Variants in KCNQ1 observed in about 807,000 individuals in gnomAD.
KCNQ1 encodes potassium voltage-gated channel subfamily KQT member 1.
KCNQ1 carries 49 observed loss-of-function variants against 72.4 expected under a neutral mutation model. That is an observed-to-expected ratio of 0.68 (90% CI 0.54 to 0.86). The LOEUF (loss-of-function observed/expected upper bound fraction) is 0.86. KCNQ1 is among the 40% of genes least tolerant of loss of function. The probability of loss-of-function intolerance (pLI) is 0.00; values close to 1 mark genes in which losing one functional copy is unlikely to be tolerated. For synonymous variants in KCNQ1, 450 were observed against 412.6 expected, an observed-to-expected ratio of 1.09 and a Z score of -1.10; for missense variants, 790 against 945.1, an observed-to-expected ratio of 0.84 and a Z score of 2.15.
chr11:2,541,893 GT>G lies in KCNQ1; in HGVS notation c.477+13878del, dbSNP rs1847832474. Among the ~76,000 whole-genome samples the G allele has an allele frequency of 6.6e-6, 1 of 152,136 alleles. No individual in the cohort carries two copies. The highest frequency in any genetic ancestry group is 2.4e-5 in the African/African-American group (1 of 41,418). On this transcript the variant is annotated intron_variant, in intron 2 of 15. Transcript: ENST00000155840. This position sits in a 1 kb window ranked among gnomAD's most constrained non-coding sequence, Gnocchi z 4.8. ...CCTCGCATAGACATCAGCTAAGGGG[GT>G]TTGGGGGCCAGTCGGCAGCCTCTGG...
intron 11 of KCNQ1, chr11:2,662,977 C>G (rs1464092657): frequency 2.8e-5 from 11 of 398,602 alleles, no homozygotes; most frequent in Non-Finnish European, 4.4e-5. Flanking sequence ...TTGCAGCCAG[C>G]CAGGTGCAAG....
chr11:2,798,781 C>T (rs986307353), intron 15 of KCNQ1, among the ~76,000 whole-genome samples: 6 of 152,140 alleles, frequency 3.9e-5, no homozygotes, highest in Admixed American at 6.6e-5. Context: ...GTAACTTAAT[C>T]GTAGCAGAGA....
In KCNQ1 at chr11:2,664,787, T is replaced by C. The variant is rs1456981159; in HGVS notation, c.1514+2706T>C. The C allele has an allele frequency of 1.8e-5, 7 of 398,588 alleles. No individual in the cohort carries two copies. Among genetic ancestry groups the C allele is most frequent in the African/African-American group, 1.2e-4 (6 of 48,614 alleles). The allele number at this position is 398,588 out of a possible 1,614,324, so 24.7% of individuals were successfully genotyped here. A position where few individuals can be genotyped will look rare whatever the true frequency, so the allele number is the denominator to read the frequency against. ...AGGGGGCAGAGTGGGTGGGAGGCAG[T>C]TACCAAAAAACATTTCCATTTTTCT... On this transcript the variant is annotated intron_variant, in intron 11 of 15. Coordinates refer to ENST00000155840, the MANE Select transcript of KCNQ1 (RefSeq NM_000218.3). This position sits in a 1 kb window ranked among gnomAD's most constrained non-coding sequence, Gnocchi z 5.1.
rs1231695939 is a variant in KCNQ1 at position 2,577,089 on chromosome 11, C to T, written c.921+4103C>T. Among the ~76,000 whole-genome samples, 3 of 152,242 alleles carry T rather than the reference C, an allele frequency of 2.0e-5. No individual in the cohort carries two copies. In the South Asian group the frequency reaches 6.2e-4, roughly 31 times the overall value. ...TGTAATCCCAGAGGCTGCAACCGAT[C>T]CCTCTGCTGCGGAGACTTTCCCTGG... On this transcript the variant is annotated intron_variant, in intron 6 of 15. Coordinates refer to ENST00000155840, the MANE Select transcript of KCNQ1 (RefSeq NM_000218.3).
chr11:2,638,093 C>T (rs2133825101), intron 10 of KCNQ1: 1 of 152,280 alleles, frequency 6.6e-6, no homozygotes, highest in Middle Eastern at 3.4e-3. Context: ...AGATGGGTCT[C>T]CTGAATACAG....
rs147666188 is a variant in KCNQ1 at position 2,759,182 on chromosome 11, G to A, written c.1515-9662G>A. On this transcript the variant is annotated intron_variant, in intron 11 of 15. Transcript: ENST00000155840. This position sits in a 1 kb window ranked among gnomAD's most constrained non-coding sequence, Gnocchi z 4.4. ...TAAAAAGAAGCAAAACAACACACTG[G>A]GAGGTGCAGGAAACCACACACGTGA... Among the ~76,000 whole-genome samples, 277 of 152,214 alleles carry A rather than the reference G, an allele frequency of 1.8e-3. No individual in the cohort carries two copies. Among genetic ancestry groups the A allele is most frequent in the African/African-American group, 6.6e-3 (272 of 41,512 alleles).
intron 15 of KCNQ1, among the ~76,000 whole-genome samples, chr11:2,814,550 A>AAATGATGGATAGGTGGATGGGTAGATTGG (rs1564903370): frequency 1.9e-4 from 28 of 148,800 alleles, no homozygotes; most frequent in Admixed American, 1.8e-3. Context: ...GAGCTGATGG[A>AAATGATGGATAGGTGGATGGGTAGATTGG]GAAATGATGG....
intron 10 of KCNQ1, chr11:2,632,880 G>A (rs893015255): frequency 1.5e-5 from 6 of 398,302 alleles, no homozygotes; most frequent in African/African-American, 1.2e-4. Context: ...CAATAAACAT[G>A]AGAATGCAAA....
At position 2,734,541 on chromosome 11, in the gene KCNQ1, G is replaced by C. The variant is rs1845921377; in HGVS notation, c.1515-34303G>C. 6.6e-6 allele frequency among the ~76,000 whole-genome samples: 1 copy of C among 152,158 alleles called. No homozygotes were observed. Among genetic ancestry groups the C allele is most frequent in the Non-Finnish European group, 1.5e-5 (1 of 68,026 alleles). ...CCCCTTGGCTGAGAGCCAGATGTGG[G>C]GAGCGGGGCTGTCGAGGCTGATCTC... On this transcript the variant is annotated intron_variant, in intron 11 of 15. Coordinates refer to ENST00000155840, the MANE Select transcript of KCNQ1 (RefSeq NM_000218.3). The surrounding 1 kb of genome is among the most constrained non-coding windows in gnomAD (Gnocchi z 7.0).
In KCNQ1 at chr11:2,544,971, C is replaced by T. The variant is rs1847885450; in HGVS notation, c.477+16953C>T. ...TTACCAGGTTAAGGAAACGTCCCCT[C>T]TAATACTATAGCTGAGAGCTTTTAA... is the stretch of plus-strand genomic sequence containing the variant. On this transcript the variant is annotated intron_variant, in intron 2 of 15. Transcript: ENST00000155840. The surrounding 1 kb of genome is among the most constrained non-coding windows in gnomAD (Gnocchi z 4.4). 1.3e-5 allele frequency among the ~76,000 whole-genome samples: 2 copies of T among 152,174 alleles called. No homozygotes were observed. The highest frequency in any genetic ancestry group is 6.5e-5 in the Admixed American group (1 of 15,292).
rs572093524 is a variant in KCNQ1 at position 2,527,895 on chromosome 11, C to T, written c.387-33C>T. ...GTGCATCTGTGGGATGGGCAGAGGCCGTGATGCTGACTGCCGTGTCCCTGT... is the reference window on the plus strand; with the variant it reads ...GTGCATCTGTGGGATGGGCAGAGGCTGTGATGCTGACTGCCGTGTCCCTGT... On this transcript the variant is annotated intron_variant, in intron 1 of 15. Coordinates refer to ENST00000155840, the MANE Select transcript of KCNQ1 (RefSeq NM_000218.3). 6.3e-6 allele frequency: 10 copies of T among 1,594,036 alleles called. No homozygotes were observed. In the East Asian group the frequency reaches 1.1e-4, roughly 18 times the overall value.
Position 2,478,615 on chromosome 11 carries a change from G to C in KCNQ1, c.386+33131G>C, listed in dbSNP as rs898882682. ...CCCCCATGATTCAATTATCTCCCAC[G>C]AGGTCCCTCCCATGACACGTGGGAA... On this transcript the variant is annotated intron_variant, in intron 1 of 15. Transcript: ENST00000155840. This position sits in a 1 kb window ranked among gnomAD's most constrained non-coding sequence, Gnocchi z 4.0. Among the ~76,000 whole-genome samples, 9 of 151,950 alleles carry C rather than the reference G, an allele frequency of 5.9e-5. No homozygotes were observed. Among genetic ancestry groups the C allele is most frequent in the African/African-American group, 2.2e-4 (9 of 41,326 alleles).
intron 1 of KCNQ1, among the ~76,000 whole-genome samples, chr11:2,467,046 G>A (rs904008649): frequency 1.2e-4 from 19 of 152,176 alleles, no homozygotes; most frequent in Non-Finnish European, 2.4e-4. Flanking sequence ...GGGGAAGCCC[G>A]ACAGATGGGG....
intron 10 of KCNQ1, chr11:2,630,116 T>C: frequency 2.5e-6 from 1 of 398,378 alleles, no homozygotes; most frequent in East Asian, 3.6e-5. Flanking sequence ...TGTTCATAGT[T>C]TTTATCATGG....
chr11:2,479,393 T>C lies in KCNQ1; in HGVS notation c.386+33909T>C, dbSNP rs561733284. Among the ~76,000 whole-genome samples the C allele has an allele frequency of 6.6e-6, 1 of 152,298 alleles. No homozygotes were observed. Among genetic ancestry groups the C allele is most frequent in the South Asian group, 2.1e-4 (1 of 4,824 alleles). ...GGACATCCAGGCATTTCCATACATC[T>C]CTGAAATCTAGGCAGAGCTTTCCAT... On this transcript the variant is annotated intron_variant, in intron 1 of 15. Coordinates refer to ENST00000155840, the MANE Select transcript of KCNQ1 (RefSeq NM_000218.3). This position sits in a 1 kb window ranked among gnomAD's most constrained non-coding sequence, Gnocchi z 4.6.
intron 2 of KCNQ1, among the ~76,000 whole-genome samples, chr11:2,539,179 C>T (rs950482299): frequency 6.6e-6 from 1 of 152,220 alleles, no homozygotes; most frequent in Admixed American, 6.5e-5. Context: ...CACCAGAACA[C>T]CTCCTCCAGA....
Position 2,488,766 on chromosome 11 carries a change from G to C in KCNQ1, c.387-39162G>C, listed in dbSNP as rs556042669. On this transcript the variant is annotated intron_variant, in intron 1 of 15. Coordinates refer to ENST00000155840, the MANE Select transcript of KCNQ1 (RefSeq NM_000218.3). The surrounding 1 kb of genome is among the most constrained non-coding windows in gnomAD (Gnocchi z 5.1). ...ACTTAGTCCATCTAGCTAAAGGTTT[G>C]TCAATTCTTAAAATCTTTTCAGAGA... is the stretch of plus-strand genomic sequence containing the variant. 2.0e-5 allele frequency among the ~76,000 whole-genome samples: 3 copies of C among 152,236 alleles called. No individual in the cohort carries two copies. Among genetic ancestry groups the C allele is most frequent in the African/African-American group, 7.2e-5 (3 of 41,532 alleles).
intron 15 of KCNQ1, among the ~76,000 whole-genome samples, chr11:2,799,122 A>T (rs1217640894): frequency 2.0e-5 from 3 of 152,214 alleles, no homozygotes; most frequent in Admixed American, 6.5e-5. Flanking sequence ...GGGCAAAGCA[A>T]AGGACCTGGG....
At chr11:2,845,193 C>T (rs1445537360) in intron 15 of KCNQ1, among the ~76,000 whole-genome samples, 1 of 152,168 alleles carries the variant, frequency 6.6e-6, no homozygotes, top group Non-Finnish European at 1.5e-5. Context: ...TCAGGCCGGT[C>T]CCCCTCCCAG....
Sources: allele counts gnomAD v4.1 joint callset (sites outside exome capture counted in the v4.1 genomes callset), GRCh38; gene constraint gnomAD v4.1.1; non-coding constraint Gnocchi (gnomAD v3.1); transcripts MANE v1.5; gene names NCBI Gene and HGNC (gene_info 2026-07-23, HGNC 2026-07-21).